CYB5R3: variants seen among roughly 807,000 people sequenced by gnomAD.
CYB5R3 encodes the protein cytochrome b5 reductase 3.
A neutral mutation model predicts 36.5 loss-of-function variants in CYB5R3; 28 were observed. The observed-to-expected ratio is 0.77, with a 90% confidence interval of 0.57 to 1.05. The LOEUF is 1.05. CYB5R3 is among the 50% of genes least tolerant of loss of function. CYB5R3 has a pLI of 0.00. For synonymous variants in CYB5R3, 181 were observed against 159.8 expected (o/e 1.13, Z -1.00); for missense variants, 474 against 408.9 (o/e 1.16, Z -1.37).
intron 1 of CYB5R3, chr22:42,647,200 A>C: frequency 6.5e-6 from 1 of 153,024 alleles, no homozygotes; most frequent in Non-Finnish European, 1.4e-5. Context: ...GCACCCACAA[A>C]GGGTAATCCC....
At chr22:42,628,427 G>T in intron 4 of CYB5R3, 146 bp from the exon 5 acceptor site, 19 of 1,035,272 alleles carry the variant, frequency 1.8e-5, no homozygotes, top group Non-Finnish European at 2.8e-5. Flanking sequence ...CCACCCAGCC[G>T]TCAAATCCTA....
Position 42,627,216 on chromosome 22 carries a change from G to A in CYB5R3, c.633+88C>T, listed in dbSNP as rs2146875060. 4.5e-6 allele frequency: 5 copies of A among 1,101,624 alleles called. No homozygotes were observed. In the East Asian group the frequency reaches 7.6e-5, roughly 17 times the overall value. The allele number at this position is 1,101,624 out of a possible 1,614,324, so 68.2% of individuals were successfully genotyped here. The stretch of plus-strand genomic sequence containing the variant: ...TCATCCCCAGAATCTCAGCAGAGCT[G>A]TGCAGACCCCTGGAACAGCACCTGA... On this transcript the variant is annotated intron_variant, in intron 7 of 8. Transcript: ENST00000352397.
intron 1 of CYB5R3, among the ~76,000 whole-genome samples, chr22:42,638,542 GA>G (rs1214704850): frequency 0.029 from 2,925 of 100,520 alleles, 107 homozygotes; most frequent in African/African-American, 0.097. Flanking sequence ...TGTCTCTGTT[GA>G]AAAAAAAAAA....
intron 8 of CYB5R3, among the ~76,000 whole-genome samples, chr22:42,621,209 T>C (rs1231275488): frequency 6.6e-6 from 1 of 151,952 alleles, no homozygotes; most frequent in Admixed American, 6.6e-5. Flanking sequence ...TGTGTGTGTG[T>C]GTGTGTGTGT....
chr22:42,627,687 C>T lies in CYB5R3; in HGVS notation c.465G>A (p.Gly155=). ...TTTTGTCAGGTCGGATGGCGAACTT[C>T]CCTGGGGAGAGAGAAGGGGTGAGGC... ...PSGLLVYQGK[G]KFAIRPDKKS... Residue 155 remains glycine, a splice_region_variant and synonymous_variant, in exon 6 of 9, where the codon GGG becomes GGA. Coordinates refer to ENST00000352397, the MANE Select transcript of CYB5R3 (RefSeq NM_000398.7). 1 of 1,611,682 alleles carries T rather than the reference C, an allele frequency of 6.2e-7. No individual in the cohort carries two copies. Among genetic ancestry groups the T allele is most frequent in the Non-Finnish European group, 8.5e-7 (1 of 1,177,762 alleles).
rs149851138 is a variant in CYB5R3 at position 42,627,373 on chromosome 22, C to T, written c.564G>A (p.Leu188=). ...CCTTCATGATGGCGCGGATCACCTG[C>T]AGCATCGGGGTGATGCCTGCAAAAT... is the stretch of plus-strand genomic sequence containing the variant. The part of the protein sequence containing the change: ...IAGGTGITPM[L]QVIRAIMKDP... Residue 188 remains leucine (L), a synonymous_variant, in exon 7 of 9, where the codon CTG becomes CTA. Coordinates refer to ENST00000352397, the MANE Select transcript of CYB5R3 (RefSeq NM_000398.7). The T allele has an allele frequency of 3.7e-6, 6 of 1,613,684 alleles. No homozygotes were observed. In the African/African-American group the frequency reaches 6.7e-5, roughly 18 times the overall value.
chr22:42,631,401 T>C lies in CYB5R3; in HGVS notation c.203A>G (p.Gln68Arg). Reference sequence around the variant, plus strand: ...ACCGACAGGGAGGCCCAGGATGTGCTGGGGTGACGGCAGGGCAAAGCGGAA... The same window carrying C: ...ACCGACAGGGAGGCCCAGGATGTGCCGGGGTGACGGCAGGGCAAAGCGGAA... ...RRFRFALPSP[Q>R]HILGLPVGQH... The change falls in exon 3 of 9, where the codon CAG becomes CGG. Residue 68 changes from glutamine (Q) to arginine (R), a missense_variant. By Grantham distance (43) the Gln-to-Arg change is conservative (BLOSUM62 1). Transcript: ENST00000352397. 1 of 1,551,532 alleles carries C rather than the reference T, an allele frequency of 6.4e-7. No homozygotes were observed. Among genetic ancestry groups the C allele is most frequent in the Non-Finnish European group, 8.7e-7 (1 of 1,146,950 alleles).
At chr22:42,623,656 C>T (rs774356566) in intron 8 of CYB5R3, 133 bp downstream of exon 8, 2 of 733,940 alleles carry the variant, frequency 2.7e-6, no homozygotes, top group Non-Finnish European at 4.8e-6. Flanking sequence ...GACGGGGCCA[C>T]ACCACCTGCC....
intron 1 of CYB5R3, among the ~76,000 whole-genome samples, chr22:42,638,246 A>T (rs574376446): frequency 1.1e-4 from 16 of 151,832 alleles, no homozygotes; most frequent in African/African-American, 3.9e-4. Context: ...AAATACAAAA[A>T]TTAGCCGGGC....
rs1001859773 is a variant in CYB5R3, at chr22:42,618,644, T to A, written c.*1129A>T. 2.2e-5 allele frequency: 3 copies of A among 134,250 alleles called. No homozygotes were observed. In the Admixed American group the frequency reaches 2.4e-4, roughly 11 times the overall value. The allele number at this position is 134,250 out of a possible 1,614,324, so 8.3% of individuals were successfully genotyped here. A position where few individuals can be genotyped will look rare whatever the true frequency, so the allele number is the denominator to read the frequency against. On this transcript the variant is annotated 3_prime_UTR_variant, in exon 9 of 9. Transcript: ENST00000352397. ...AGGAGAATCGCTTGAACCCGAGAGGTGGAGGTTGTAGTGAGCTGAGATCAT... is the reference window on the plus strand; with the variant it reads ...AGGAGAATCGCTTGAACCCGAGAGGAGGAGGTTGTAGTGAGCTGAGATCAT...
chr22:42,627,303 C>T lies in CYB5R3; in HGVS notation c.633+1G>A, dbSNP rs111744459. ...TCCCCATCATGGGGATGCCCACTGACCTGGTTGGCAAAGAGCAGGTGGCAC... is the reference window on the plus strand; with the variant it reads ...TCCCCATCATGGGGATGCCCACTGATCTGGTTGGCAAAGAGCAGGTGGCAC... On this transcript the variant is annotated splice_donor_variant, in intron 7 of 8. Coordinates refer to ENST00000352397, the MANE Select transcript of CYB5R3 (RefSeq NM_000398.7). LOFTEE classifies it high-confidence loss of function. The T allele has an allele frequency of 6.2e-7, 1 of 1,613,630 alleles. No individual in the cohort carries two copies. The highest frequency in any genetic ancestry group is 8.5e-7 in the Non-Finnish European group (1 of 1,179,722).
chr22:42,649,163 G>A (rs1929656274), intron 1 of CYB5R3, 132 bp downstream of exon 1: 1 of 268,272 alleles, frequency 3.7e-6, no homozygotes, highest in African/African-American at 2.3e-5. Context: ...GCGGCGGGCT[G>A]GGCGGGCGAA....
rs894778699 is a variant in CYB5R3 at position 42,619,335 on chromosome 22, G to C, written c.*438C>G. 29 of 199,864 alleles carry C rather than the reference G, an allele frequency of 1.5e-4. No individual in the cohort carries two copies. The highest frequency in any genetic ancestry group is 6.4e-4 in the African/African-American group (28 of 43,500). The allele number at this position is 199,864 out of a possible 1,614,324, so 12.4% of individuals were successfully genotyped here. A position where few individuals can be genotyped will look rare whatever the true frequency, so the allele number is the denominator to read the frequency against. ...AGGCCTGGGCCTGGCCCTGAGGCGG[G>C]AGTGGGGGTGACAGGCGAGGCTGGG... is the stretch of plus-strand genomic sequence containing the variant. On this transcript the variant is annotated 3_prime_UTR_variant, in exon 9 of 9. Transcript: ENST00000352397.
chr22:42,623,283 TCTCCCACAA>T (rs1440789967), intron 8 of CYB5R3, among the ~76,000 whole-genome samples: 1 of 152,104 alleles, frequency 6.6e-6, no homozygotes, highest in Admixed American at 6.5e-5. Context: ...CCAGCTTGGC[TCTCCCACAA>T]CTCCCTTGGC....
At chr22:42,622,469 G>A (rs749894803) in intron 8 of CYB5R3, among the ~76,000 whole-genome samples, 5 of 152,304 alleles carry the variant, frequency 3.3e-5, no homozygotes, top group East Asian at 1.9e-4. Flanking sequence ...CCTGGAGGGG[G>A]TGGGCTGACC....
intron 2 of CYB5R3, among the ~76,000 whole-genome samples, chr22:42,635,191 A>G (rs975725109): frequency 4.6e-5 from 7 of 151,312 alleles, no homozygotes; most frequent in Admixed American, 4.0e-4. Context: ...GATGGTCTCA[A>G]TCTCCTGACC....
At chr22:42,626,737 C>T (rs1270714315) in intron 7 of CYB5R3, among the ~76,000 whole-genome samples, 1 of 152,192 alleles carries the variant, frequency 6.6e-6, no homozygotes, top group African/African-American at 2.4e-5. Flanking sequence ...AAAGACCTTG[C>T]AACAACCCAG....
chr22:42,626,063 C>G (rs1399475462), intron 7 of CYB5R3, among the ~76,000 whole-genome samples: 3 of 152,196 alleles, frequency 2.0e-5, no homozygotes, highest in Non-Finnish European at 2.9e-5. Flanking sequence ...AATCCCAACA[C>G]TTTGGGAGGC....
At chr22:42,630,797 A>G in intron 4 of CYB5R3, 85 bp downstream of exon 4, 1 of 1,192,298 alleles carries the variant, frequency 8.4e-7, no homozygotes, top group Non-Finnish European at 1.2e-6. Flanking sequence ...GGAGCGGGAG[A>G]CTTCCCTGTC....
Sources: allele counts gnomAD v4.1 joint callset (sites outside exome capture counted in the v4.1 genomes callset), GRCh38; gene constraint gnomAD v4.1.1; transcripts MANE v1.5; gene names NCBI Gene and HGNC (gene_info 2026-07-23, HGNC 2026-07-21).